Variants in KCNJ6 observed in about 807,000 individuals in gnomAD.
KCNJ6 encodes potassium inwardly rectifying channel subfamily J member 6, also known as G protein-activated inward rectifier potassium channel 2.
A neutral mutation model predicts 34.2 loss-of-function variants in KCNJ6; 9 were observed. The ratio of observed to expected loss-of-function variants is 0.26; its 90% CI spans 0.16 to 0.46. KCNJ6 has a LOEUF of 0.46. KCNJ6 is among the 20% of genes least tolerant of loss of function. The pLI is 1.00. For missense variants in KCNJ6, 236 were observed against 531.3 expected, an observed-to-expected ratio of 0.44 and a Z score of 5.46; for synonymous variants, 196 against 207.1, an observed-to-expected ratio of 0.95 and a Z score of 0.46.
At chr21:37,891,599 T>C (rs1210850068) in intron 1 of KCNJ6, among the ~76,000 whole-genome samples, 1 of 152,144 alleles carries the variant, frequency 6.6e-6, no homozygotes, top group Non-Finnish European at 1.5e-5. Context: ...ATGAATTGAG[T>C]ACTTGTAGGC....
At chr21:37,661,782 C>A (rs959254007) in intron 3 of KCNJ6, among the ~76,000 whole-genome samples, 3 of 90,408 alleles carry the variant, frequency 3.3e-5, no homozygotes, top group African/African-American at 4.5e-5. Context: ...GCCACCATGC[C>A]CCGCTAATTT....
chr21:37,696,517 T>C (rs1419990264), intron 3 of KCNJ6, among the ~76,000 whole-genome samples: 1 of 152,032 alleles, frequency 6.6e-6, no homozygotes, highest in East Asian at 1.9e-4. Flanking sequence ...AAAATTAATG[T>C]CATGAAAGAT....
At chr21:37,839,990 G>A (rs973510603) in intron 2 of KCNJ6, among the ~76,000 whole-genome samples, 1 of 152,024 alleles carries the variant, frequency 6.6e-6, no homozygotes, top group South Asian at 2.1e-4. Context: ...GTAGAGACAG[G>A]GTTTCACCAT....
intron 1 of KCNJ6, among the ~76,000 whole-genome samples, chr21:37,863,326 T>C (rs1321624014): frequency 6.6e-6 from 1 of 152,232 alleles, no homozygotes; most frequent in Non-Finnish European, 1.5e-5. Flanking sequence ...CCCCAATGGC[T>C]GGAAGCGAAT....
chr21:37,737,157 A>C (rs541054479), intron 2 of KCNJ6, among the ~76,000 whole-genome samples: 7 of 152,154 alleles, frequency 4.6e-5, no homozygotes, highest in Non-Finnish European at 1.0e-4. Flanking sequence ...CTCACTGTGC[A>C]TCAGTGCCCG....
At chr21:37,828,742 G>C (rs538480567) in intron 2 of KCNJ6, among the ~76,000 whole-genome samples, 3 of 152,256 alleles carry the variant, frequency 2.0e-5, no homozygotes, top group African/African-American at 7.2e-5. Flanking sequence ...CTGACCATCT[G>C]CTCACTCAAT....
chr21:37,735,239 C>T (rs1477546176), intron 2 of KCNJ6, among the ~76,000 whole-genome samples: 4 of 152,166 alleles, frequency 2.6e-5, no homozygotes, highest in Non-Finnish European at 5.9e-5. Flanking sequence ...AGCTTAGACT[C>T]TGTTGCTAGA....
At chr21:37,712,509 CTCCT>C in intron 3 of KCNJ6, among the ~76,000 whole-genome samples, 1 of 136,152 alleles carries the variant, frequency 7.3e-6, no homozygotes, top group Non-Finnish European at 1.6e-5. Flanking sequence ...TCCCCTTCTC[CTCCT>C]CTCCTTCCTC....
intron 3 of KCNJ6, among the ~76,000 whole-genome samples, chr21:37,682,390 A>C (rs772225223): frequency 5.3e-5 from 8 of 152,226 alleles, no homozygotes; most frequent in Non-Finnish European, 1.0e-4. Flanking sequence ...TCTAAAAATT[A>C]AACTATTGAA....
chr21:37,645,015 G>A (rs1314355913), intron 3 of KCNJ6, among the ~76,000 whole-genome samples: 2 of 103,212 alleles, frequency 1.9e-5, no homozygotes, highest in African/African-American at 7.6e-5. Context: ...GAAAACAGGT[G>A]GGTTTTTTTT....
At chr21:37,803,337 C>T (rs1192781844) in intron 2 of KCNJ6, among the ~76,000 whole-genome samples, 1 of 152,174 alleles carries the variant, frequency 6.6e-6, no homozygotes, top group Admixed American at 6.5e-5. Flanking sequence ...CTCAAATCCA[C>T]ACAGCACAGC....
At chr21:37,698,308 G>C (rs1349989708) in intron 3 of KCNJ6, among the ~76,000 whole-genome samples, 1 of 152,296 alleles carries the variant, frequency 6.6e-6, no homozygotes, top group African/African-American at 2.4e-5. Flanking sequence ...AATGGATGCT[G>C]GCTGCCCTGC....
At chr21:37,864,121 T>TG (rs1004098463) in intron 1 of KCNJ6, among the ~76,000 whole-genome samples, 2 of 151,622 alleles carry the variant, frequency 1.3e-5, no homozygotes, top group African/African-American at 2.4e-5. Flanking sequence ...CTATTTTTTT[T>TG]TTTTGTTTTA....
intron 3 of KCNJ6, among the ~76,000 whole-genome samples, chr21:37,687,266 G>A (rs558388989): frequency 5.9e-4 from 90 of 152,224 alleles, no homozygotes; most frequent in Non-Finnish European, 1.1e-3. Flanking sequence ...GTTACAGGCC[G>A]CAGGATGAGT....
Position 37,714,174 on chromosome 21 carries a change from C to T in KCNJ6, c.946+37G>A. ...ATCAGGTCCAGTTTAAAATGAGCAT[C>T]TATCCCACAGCCATCCCAGGATAGA... is the stretch of plus-strand genomic sequence containing the variant. On this transcript the variant is annotated intron_variant, in intron 3 of 3. Coordinates refer to ENST00000609713, the MANE Select transcript of KCNJ6 (RefSeq NM_002240.5). This position sits in a 1 kb window ranked among gnomAD's most constrained non-coding sequence, Gnocchi z 5.9. 6.9e-7 allele frequency: 1 copy of T among 1,442,634 alleles called. No individual in the cohort carries two copies. The highest frequency in any genetic ancestry group is 2.3e-5 in the East Asian group (1 of 44,042). The allele number at this position is 1,442,634 out of a possible 1,614,324, so 89.4% of individuals were successfully genotyped here. A position where few individuals can be genotyped will look rare whatever the true frequency, so the allele number is the denominator to read the frequency against.
intron 3 of KCNJ6, among the ~76,000 whole-genome samples, chr21:37,681,978 T>A (rs1303557916): frequency 6.6e-6 from 1 of 152,200 alleles, no homozygotes; most frequent in Non-Finnish European, 1.5e-5. Flanking sequence ...GGGAAAGAAG[T>A]CTGTCTTGTG....
intron 3 of KCNJ6, among the ~76,000 whole-genome samples, chr21:37,705,736 A>G (rs543593832): frequency 1.3e-5 from 2 of 152,352 alleles, no homozygotes; most frequent in Admixed American, 6.5e-5. Flanking sequence ...GTCTGATCTC[A>G]GTCTTCACCA....
rs1032387184 is a variant in KCNJ6, at chr21:37,623,269, TTAG to T, written c.*1887_*1889del. The T allele has an allele frequency of 1.3e-5, 2 of 152,224 alleles. No homozygotes were observed. The highest frequency in any genetic ancestry group is 4.8e-5 in the African/African-American group (2 of 41,450). The allele number at this position is 152,224 out of a possible 1,614,324, so 9.4% of individuals were successfully genotyped here. ...CTTTCCTTATCCTGGGACTTCTTTT[TTAG>T]TAGACAAGGTCCCCAGACTACACCA... On this transcript the variant is annotated 3_prime_UTR_variant, in exon 4 of 4. Coordinates refer to ENST00000609713, the MANE Select transcript of KCNJ6 (RefSeq NM_002240.5).
intron 2 of KCNJ6, among the ~76,000 whole-genome samples, chr21:37,735,996 C>T (rs1478267616): frequency 2.0e-5 from 3 of 151,108 alleles, no homozygotes; most frequent in Non-Finnish European, 4.4e-5. Flanking sequence ...CCCCTCCGGG[C>T]TCTGACTTTT....
Sources: gnomAD v4.1 joint callset for allele counts (sites outside exome capture counted in the v4.1 genomes callset) on GRCh38, gnomAD v4.1.1 for gene constraint, Gnocchi (gnomAD v3.1) non-coding constraint, MANE v1.5 for transcripts, NCBI Gene and HGNC (gene_info 2026-07-23, HGNC 2026-07-21) for gene names.